The following SERPINA11 variants were observed in gnomAD, a reference collection of about 807,000 sequenced individuals.
SERPINA11 encodes the protein serpin family A member 11.
A neutral mutation model predicts 29.4 loss-of-function variants in SERPINA11; 28 were observed. The ratio of observed to expected loss-of-function variants is 0.95; its 90% CI spans 0.70 to 1.30. The LOEUF is 1.30. Ranked by LOEUF, SERPINA11 falls within the 50% of genes most tolerant of loss-of-function variation. The pLI is 0.00. For synonymous variants in SERPINA11, 253 were observed against 206.6 expected, an observed-to-expected ratio of 1.22 and a Z score of -1.92; for missense variants, 530 against 507.3, an observed-to-expected ratio of 1.04 and a Z score of -0.43.
At position 94,443,186 on chromosome 14, in the gene SERPINA11, T is replaced by A. The variant is rs149052875; in HGVS notation, c.957A>T (p.Gly319=). 39 of 1,613,816 alleles carry A rather than the reference T, an allele frequency of 2.4e-5. No individual in the cohort carries two copies. Among genetic ancestry groups the A allele is most frequent in the Non-Finnish European group, 3.2e-5 (38 of 1,179,934 alleles). ...GAAGTATGTCTTCCAGGTTATATGT[T>A]CCAGAAATTGAAAACCTTGGCAAGT... ...DLHLPRFSIS[G]TYNLEDILPQ... is the part of the protein sequence containing the mutation. The change falls in exon 4 of 5, where the codon GGA becomes GGT. Residue 319 remains glycine, a synonymous_variant. Coordinates refer to ENST00000334708, the MANE Select transcript of SERPINA11 (RefSeq NM_001080451.2).
Position 94,442,655 on chromosome 14 carries a change from G to T in SERPINA11, c.1220C>A (p.Thr407Asn). 6.2e-7 allele frequency: 1 copy of T among 1,612,672 alleles called. No homozygotes were observed. The highest frequency in any genetic ancestry group is 8.5e-7 in the Non-Finnish European group (1 of 1,179,456). ...TTTTCCCAGGAAGAGTAAGCTCTGGGTGGTGACCTCCCAAAGGAGCAAGAG... is the reference window on the plus strand; with the variant it reads ...TTTTCCCAGGAAGAGTAAGCTCTGGTTGGTGACCTCCCAAAGGAGCAAGAG... ...PFLLLLWEVT[T>N]QSLLFLGKVV... The change falls in exon 5 of 5, where the codon ACC becomes AAC. Residue 407 changes from threonine (T) to asparagine (N), a missense_variant. Coordinates refer to ENST00000334708, the MANE Select transcript of SERPINA11 (RefSeq NM_001080451.2).
chr14:94,443,313 G>C, intron 3 of SERPINA11, 88 bp from the exon 4 acceptor site: 1 of 1,331,524 alleles, frequency 7.5e-7, no homozygotes. Flanking sequence ...AGCCATGGGA[G>C]AGAGGCATTT....
At chr14:94,450,801 G>C (rs1346285295) in intron 1 of SERPINA11, among the ~76,000 whole-genome samples, 2 of 152,102 alleles carry the variant, frequency 1.3e-5, no homozygotes, top group Non-Finnish European at 2.9e-5. Context: ...GAGCTGGAGG[G>C]GGAACTGCAG....
chr14:94,448,872 C>A (rs1898501901), intron 1 of SERPINA11, 95 bp from the exon 2 acceptor site: 3 of 1,221,960 alleles, frequency 2.5e-6, no homozygotes. Flanking sequence ...ACAATGTGCC[C>A]CACAGGGCTG....
At chr14:94,443,565 C>T (rs1898383208) in intron 3 of SERPINA11, among the ~76,000 whole-genome samples, 1 of 152,174 alleles carries the variant, frequency 6.6e-6, no homozygotes, top group Admixed American at 6.5e-5. Flanking sequence ...AAATCATGAC[C>T]ACATAAGGTA....
chr14:94,449,442 T>G, intron 1 of SERPINA11, among the ~76,000 whole-genome samples: 1 of 109,586 alleles, frequency 9.1e-6, no homozygotes, highest in East Asian at 2.3e-4. Flanking sequence ...TCTTTCTTTC[T>G]TTCTTTCTTT....
chr14:94,448,486 C>T lies in SERPINA11; in HGVS notation c.289G>A (p.Ala97Thr). The T allele has an allele frequency of 1.2e-6, 2 of 1,614,136 alleles. No individual in the cohort carries two copies. The highest frequency in any genetic ancestry group is 1.7e-6 in the Non-Finnish European group (2 of 1,180,028). ...AATCCCAGGCCCTCCAGGATCAGAG[C>T]TGAGGTGTTAGCTTGGGCCCCAAGA... ...LSLGAQANTSALILEGLGFNL... is the reference protein window; with the variant it reads ...LSLGAQANTSTLILEGLGFNL... Residue 97 changes from alanine (A) to threonine (T), a missense_variant, in exon 2 of 5, where the codon GCT becomes ACT. Transcript: ENST00000334708.
Position 94,443,722 on chromosome 14 carries a change from C to T in SERPINA11, c.918-497G>A, listed in dbSNP as rs537697825. On this transcript the variant is annotated intron_variant, in intron 3 of 4. Transcript: ENST00000334708. The stretch of plus-strand genomic sequence containing the variant: ...TCACCCATCTCCACTTCAGGTTCCT[C>T]TAGTGTTAAATGGCATGGTGATGCC... Among the ~76,000 whole-genome samples, 63 of 152,326 alleles carry T rather than the reference C, an allele frequency of 4.1e-4. 1 individual carries two copies. In the South Asian group the frequency reaches 0.013, roughly 31 times the overall value.
rs750988358 is a variant in SERPINA11, at chr14:94,442,787, T to C, written c.1088A>G (p.Asp363Gly). Residue 363 changes from aspartate (D) to glycine (G), a missense_variant, in exon 5 of 5, where the codon GAC becomes GGC. Coordinates refer to ENST00000334708, the MANE Select transcript of SERPINA11 (RefSeq NM_001080451.2). ...ISKVSHKAMV[D>G]MSEKGTEAGA... ...GGCCTCGGTCCCCTTCTCACTCATGTCCACCATCGCCTTGTGTGACACCTA... is the reference window on the plus strand; with the variant it reads ...GGCCTCGGTCCCCTTCTCACTCATGCCCACCATCGCCTTGTGTGACACCTA... 1.2e-6 allele frequency: 2 copies of C among 1,610,168 alleles called. No homozygotes were observed. Among genetic ancestry groups the C allele is most frequent in the Admixed American group, 3.3e-5 (2 of 59,796 alleles).
chr14:94,442,810 C>A lies in SERPINA11; in HGVS notation c.1066-1G>T. 1 of 1,600,018 alleles carries A rather than the reference C, an allele frequency of 6.2e-7. No homozygotes were observed. ...TGTCCACCATCGCCTTGTGTGACAC[C>A]TAGAGGACAAGAGGAGATGAAGACA... is the stretch of plus-strand genomic sequence containing the variant. On this transcript the variant is annotated splice_acceptor_variant, in intron 4 of 4. Transcript: ENST00000334708. LOFTEE classifies it high-confidence loss of function.
intron 3 of SERPINA11, among the ~76,000 whole-genome samples, 161 bp downstream of exon 3, chr14:94,446,170 G>T (rs940988774): frequency 2.6e-5 from 4 of 152,134 alleles, no homozygotes; most frequent in African/African-American, 7.2e-5. Flanking sequence ...TACAGTAGAG[G>T]CCCAAAAAAG....
chr14:94,442,758 C>A lies in SERPINA11; in HGVS notation c.1117G>T (p.Ala373Ser). 6.2e-7 allele frequency: 1 copy of A among 1,613,134 alleles called. No homozygotes were observed. Among genetic ancestry groups the A allele is most frequent in the Non-Finnish European group, 8.5e-7 (1 of 1,179,754 alleles). Reference sequence around the variant, plus strand: ...GGCTGGGAGAGGAGGCCTGAAGCAGCCCCGGCCTCGGTCCCCTTCTCACTC... The same window carrying A: ...GGCTGGGAGAGGAGGCCTGAAGCAGACCCGGCCTCGGTCCCCTTCTCACTC... ...DMSEKGTEAG[A>S]ASGLLSQPPS... The change falls in exon 5 of 5, where the codon GCT (alanine) becomes TCT (serine). Residue 373 changes from alanine (A) to serine (S), a missense_variant. Coordinates refer to ENST00000334708, the MANE Select transcript of SERPINA11 (RefSeq NM_001080451.2).
intron 3 of SERPINA11, 27 bp downstream of exon 3, chr14:94,446,304 C>G: frequency 6.3e-7 from 1 of 1,598,878 alleles, no homozygotes; most frequent in Non-Finnish European, 8.5e-7. Flanking sequence ...GCAAGGTCAG[C>G]CAGCATCCTT....
At chr14:94,446,729 C>T in intron 2 of SERPINA11, 125 bp from the exon 3 acceptor site, 4 of 949,364 alleles carry the variant, frequency 4.2e-6, no homozygotes, top group Middle Eastern at 2.7e-4. Flanking sequence ...GGAATGGTTA[C>T]AGAGCCAGGA....
chr14:94,446,295 C>T (rs756231348), intron 3 of SERPINA11, 36 bp downstream of exon 3: 18 of 1,584,636 alleles, frequency 1.1e-5, no homozygotes, highest in Non-Finnish European at 1.5e-5. Flanking sequence ...GGTTCTTGAG[C>T]AAGGTCAGCC....
In SERPINA11 at chr14:94,442,891, G is replaced by A. The variant is rs991110057; in HGVS notation, c.1066-82C>T. On this transcript the variant is annotated intron_variant, in intron 4 of 4. Coordinates refer to ENST00000334708, the MANE Select transcript of SERPINA11 (RefSeq NM_001080451.2). The stretch of plus-strand genomic sequence containing the variant: ...CACTGTATTCCTGCCATGAAGAATA[G>A]AAGGGACCTAAGGAAGGGGAGGTAG... 4 of 1,354,878 alleles carry A rather than the reference G, an allele frequency of 3.0e-6. No individual in the cohort carries two copies. The African/African-American group carries it at 5.9e-5, about 20-fold the overall frequency. The allele number at this position is 1,354,878 out of a possible 1,614,324, so 83.9% of individuals were successfully genotyped here. A position where few individuals can be genotyped will look rare whatever the true frequency, so the allele number is the denominator to read the frequency against.
intron 2 of SERPINA11, among the ~76,000 whole-genome samples, 169 bp from the exon 3 acceptor site, chr14:94,446,773 C>A (rs945928714): frequency 6.6e-6 from 1 of 152,184 alleles, no homozygotes; most frequent in African/African-American, 2.4e-5. Context: ...GTCTCTAGGA[C>A]AAGTCACCAG....
Position 94,449,843 on chromosome 14 carries a change from G to C in SERPINA11, c.-3-1066C>G, listed in dbSNP as rs112174453. ...AGCAAATGTCCTGGCCACACTGCCA[G>C]TGATATTAGGCCTCCCTCACATCCA... On this transcript the variant is annotated intron_variant, in intron 1 of 4. Coordinates refer to ENST00000334708, the MANE Select transcript of SERPINA11 (RefSeq NM_001080451.2). Among the ~76,000 whole-genome samples the C allele has an allele frequency of 5.3e-5, 8 of 152,284 alleles. 1 individual carries two copies. The highest frequency in any genetic ancestry group is 1.9e-4 in the East Asian group (1 of 5,180).
chr14:94,451,100 T>TTAATTATTAAA (rs1483205678), intron 1 of SERPINA11, among the ~76,000 whole-genome samples: 4 of 152,236 alleles, frequency 2.6e-5, no homozygotes, highest in African/African-American at 9.6e-5. Flanking sequence ...GTGTCTTAAC[T>TTAATTATTAAA]GGCACCTTTA....
Sources: allele counts gnomAD v4.1 joint callset (sites outside exome capture counted in the v4.1 genomes callset), GRCh38; gene constraint gnomAD v4.1.1; transcripts MANE v1.5; gene names NCBI Gene and HGNC (gene_info 2026-07-23, HGNC 2026-07-21).